The following MTHFD1L variants were observed in gnomAD, a reference collection of about 807,000 sequenced individuals.
MTHFD1L encodes the protein monofunctional C1-tetrahydrofolate synthase, mitochondrial.
MTHFD1L carries 81 observed loss-of-function variants against 119.5 expected under a neutral mutation model. That is an observed-to-expected ratio of 0.68 (90% confidence interval 0.57 to 0.82). The LOEUF (loss-of-function observed/expected upper bound fraction) is 0.82, where lower values mean the gene tolerates loss of function less well. MTHFD1L is among the 40% of genes least tolerant of loss of function. The pLI, the probability that MTHFD1L is intolerant of heterozygous loss-of-function variation, is 0.00. For missense variants in MTHFD1L, 1,125 were observed against 1,253.4 expected (o/e 0.90, Z 1.55); for synonymous variants, 430 against 475.2 (o/e 0.90, Z 1.24).
chr6:150,990,222 T>A (rs1583986590), intron 20 of MTHFD1L, among the ~76,000 whole-genome samples: 1 of 151,434 alleles, frequency 6.6e-6, no homozygotes, highest in African/African-American at 2.4e-5. Flanking sequence ...GAGGTTGCAG[T>A]GAGCCTAGAT....
intron 17 of MTHFD1L, among the ~76,000 whole-genome samples, chr6:150,957,023 G>C (rs781087847): frequency 1.3e-5 from 2 of 152,180 alleles, no homozygotes; most frequent in South Asian, 4.1e-4. Flanking sequence ...TTAGATTGAT[G>C]ATTAAAAGGA....
At chr6:150,981,403 T>G (rs937552888) in intron 20 of MTHFD1L, among the ~76,000 whole-genome samples, 5 of 152,252 alleles carry the variant, frequency 3.3e-5, no homozygotes, top group African/African-American at 9.6e-5. Flanking sequence ...CGTCAAAAAT[T>G]TAAAATACCC....
intron 20 of MTHFD1L, among the ~76,000 whole-genome samples, chr6:151,004,026 A>AAAG (rs1554277198): frequency 7.0e-6 from 1 of 142,504 alleles, no homozygotes; most frequent in South Asian, 2.1e-4. Context: ...AAAAAAAAAA[A>AAAG]AGAGAGAGAG....
chr6:150,906,931 T>A (rs1358686500), intron 8 of MTHFD1L, among the ~76,000 whole-genome samples: 1 of 152,036 alleles, frequency 6.6e-6, no homozygotes, highest in Non-Finnish European at 1.5e-5. Context: ...CCCTAATGGC[T>A]CTTTTTAACA....
Position 151,039,917 on chromosome 6 carries a change from A to AATACATACATACATTC in MTHFD1L, c.2847+2814_2847+2815insTCATACATACATACAT, listed in dbSNP as rs1554289333. 1.3e-5 allele frequency among the ~76,000 whole-genome samples: 2 copies of AATACATACATACATTC among 148,630 alleles called. No individual in the cohort carries two copies. Among genetic ancestry groups the AATACATACATACATTC allele is most frequent in the South Asian group, 4.4e-4 (2 of 4,596 alleles). ...GTGACAGAGCAAGACTTCATCTCTA[A>AATACATACATACATTC]ATACATACATACATACATACATACA... On this transcript the variant is annotated intron_variant, in intron 26 of 27. Transcript: ENST00000367321. The surrounding 1 kb of genome is among the most constrained non-coding windows in gnomAD (Gnocchi z 4.4).
intron 15 of MTHFD1L, among the ~76,000 whole-genome samples, chr6:150,946,458 G>A (rs1388720309): frequency 6.6e-6 from 1 of 152,082 alleles, no homozygotes; most frequent in Non-Finnish European, 1.5e-5. Context: ...CCTCATCTAC[G>A]TTTTTGTTGC....
intron 26 of MTHFD1L, among the ~76,000 whole-genome samples, chr6:151,070,357 T>C (rs1022067120): frequency 1.3e-5 from 2 of 152,264 alleles, no homozygotes; most frequent in African/African-American, 4.8e-5. Flanking sequence ...GTGTATATTG[T>C]TGAACCTCTA....
At chr6:150,890,336 T>C (rs1030721053) in intron 7 of MTHFD1L, among the ~76,000 whole-genome samples, 4 of 152,112 alleles carry the variant, frequency 2.6e-5, no homozygotes, top group African/African-American at 9.7e-5. Flanking sequence ...CTGTGGGTCT[T>C]GGCCCCTTTC....
chr6:150,941,985 A>G (rs989087443), intron 13 of MTHFD1L, among the ~76,000 whole-genome samples: 1 of 152,238 alleles, frequency 6.6e-6, no homozygotes, highest in Non-Finnish European at 1.5e-5. Flanking sequence ...CAGGCCGGGC[A>G]CGGTGGCTCA....
Position 151,051,583 on chromosome 6 carries a change from A to G in MTHFD1L, c.2847+14466A>G, listed in dbSNP as rs1378034752. ...CTTTTCAGTAGGTCAGTCGGCATGT[A>G]CTCACAGGGCCGTGCATGCTGAGCA... On this transcript the variant is annotated intron_variant, in intron 26 of 27. Coordinates refer to ENST00000367321, the MANE Select transcript of MTHFD1L (RefSeq NM_015440.5). Among the ~76,000 whole-genome samples the G allele has an allele frequency of 2.0e-5, 3 of 152,124 alleles. No homozygotes were observed. In the East Asian group the frequency reaches 5.8e-4, roughly 29 times the overall value.
chr6:150,878,071 G>C (rs1016824622), intron 4 of MTHFD1L, among the ~76,000 whole-genome samples: 11 of 152,204 alleles, frequency 7.2e-5, no homozygotes, highest in African/African-American at 2.4e-4. Context: ...TTCTTCAGCT[G>C]CGGTGGCAGC....
At chr6:151,049,629 T>C (rs1788695291) in intron 26 of MTHFD1L, among the ~76,000 whole-genome samples, 1 of 140,600 alleles carries the variant, frequency 7.1e-6, no homozygotes, top group African/African-American at 2.7e-5. Flanking sequence ...GCCACTGCAC[T>C]CCAGCCTGGG....
At chr6:150,920,329 T>A (rs1788682208) in intron 9 of MTHFD1L, among the ~76,000 whole-genome samples, 1 of 152,180 alleles carries the variant, frequency 6.6e-6, no homozygotes, top group Admixed American at 6.5e-5. Flanking sequence ...AAGGCGAAGG[T>A]CATCAGTGTT....
intron 27 of MTHFD1L, among the ~76,000 whole-genome samples, chr6:151,094,456 G>A (rs370135152): frequency 5.3e-5 from 8 of 152,276 alleles, no homozygotes; most frequent in African/African-American, 1.9e-4. Context: ...TCCGCCTCCC[G>A]GGTTCAAGCA....
At chr6:151,078,497 C>A (rs1016638097) in intron 26 of MTHFD1L, among the ~76,000 whole-genome samples, 1 of 152,184 alleles carries the variant, frequency 6.6e-6, no homozygotes, top group Non-Finnish European at 1.5e-5. Context: ...TAGCTGGGTT[C>A]TCTGCTTCAG....
chr6:150,901,640 T>C (rs567451188), intron 7 of MTHFD1L, among the ~76,000 whole-genome samples: 38 of 152,306 alleles, frequency 2.5e-4, no homozygotes, highest in African/African-American at 8.4e-4. Context: ...CTCAGTGTGG[T>C]AGAGCCCCCT....
chr6:151,044,182 C>G (rs1295487651), intron 26 of MTHFD1L, among the ~76,000 whole-genome samples: 2 of 152,132 alleles, frequency 1.3e-5, no homozygotes, highest in African/African-American at 4.8e-5. Flanking sequence ...GCCTGCCCCC[C>G]ATGTGGTTAT....
At chr6:150,900,996 CAG>C (rs1486453305) in intron 7 of MTHFD1L, among the ~76,000 whole-genome samples, 2 of 145,158 alleles carry the variant, frequency 1.4e-5, no homozygotes, top group African/African-American at 5.2e-5. Context: ...GCCTGGACGA[CAG>C]AGTGAGACTC....
At chr6:150,944,658 GT>G in intron 14 of MTHFD1L, 65 bp downstream of exon 14, 2 of 1,255,674 alleles carry the variant, frequency 1.6e-6, no homozygotes, top group Non-Finnish European at 2.3e-6. Flanking sequence ...TTCTTAAGGA[GT>G]TTGTGGAAAG....
Sources: gnomAD v4.1 joint callset for allele counts (sites outside exome capture counted in the v4.1 genomes callset) on GRCh38, gnomAD v4.1.1 for gene constraint, Gnocchi (gnomAD v3.1) non-coding constraint, MANE v1.5 for transcripts, NCBI Gene and HGNC (gene_info 2026-07-23, HGNC 2026-07-21) for gene names.